ADAMTSL1: variants seen among roughly 807,000 people sequenced by gnomAD.
ADAMTSL1 encodes the protein ADAMTS like 1, also known as ADAMTS-like protein 1.
Under a neutral mutation model 201.8 loss-of-function variants are expected in ADAMTSL1, and 126 were observed. The observed-to-expected ratio is 0.62, with a 90% CI of 0.54 to 0.72. ADAMTSL1 has a LOEUF of 0.72. ADAMTSL1 is among the 30% of genes least tolerant of loss of function. The probability of loss-of-function intolerance (pLI) is 0.00; values close to 1 mark genes in which losing one functional copy is unlikely to be tolerated. For missense variants in ADAMTSL1, 2,679 were observed against 2,277.8 expected (o/e 1.18, Z -3.59); for synonymous variants, 1,121 against 903.4 (o/e 1.24, Z -4.32).
At chr9:18,392,260 G>A (rs1838084385) in intron 2 of ADAMTSL1, among the ~76,000 whole-genome samples, 2 of 152,274 alleles carry the variant, frequency 1.3e-5, no homozygotes, top group South Asian at 4.1e-4. Context: ...AATGTCATAT[G>A]TGTGAAAACA....
In ADAMTSL1 at chr9:18,662,069, G is replaced by T; in HGVS notation, c.1081G>T (p.Ala361Ser). The T allele has an allele frequency of 6.2e-7, 1 of 1,612,606 alleles. No homozygotes were observed. Among genetic ancestry groups the T allele is most frequent in the Non-Finnish European group, 8.5e-7 (1 of 1,179,550 alleles). Reference sequence around the variant, plus strand: ...GGAGTGCAACTTGGATCCTTGTCCAGCCAGGTCAGTCAAATTTGCTAGTTC... The same window carrying T: ...GGAGTGCAACTTGGATCCTTGTCCATCCAGGTCAGTCAAATTTGCTAGTTC... ...LQECNLDPCP[A>S]SDGYKQIMPY... is the part of the protein sequence containing the mutation. Residue 361 changes from alanine (A) to serine (S), a missense_variant, in exon 9 of 29, where the codon GCC becomes TCC. Physicochemically the swap from Ala to Ser is moderately conservative, Grantham distance 99 (BLOSUM62 1). Transcript: ENST00000380548.
chr9:18,771,170 A>G (rs993368635), intron 17 of ADAMTSL1, among the ~76,000 whole-genome samples: 2 of 152,180 alleles, frequency 1.3e-5, no homozygotes, highest in Non-Finnish European at 2.9e-5. Context: ...CTATTCAGGA[A>G]GGGCAAAGCC....
rs150554594 is a variant in ADAMTSL1 at position 18,395,659 on chromosome 9, A to G, written c.208-109170A>G. ...TAGACCAAATTATATCCTGAACTGTACAGGTCTATCATCCTTCTCAACTGC... is the reference window on the plus strand; with the variant it reads ...TAGACCAAATTATATCCTGAACTGTGCAGGTCTATCATCCTTCTCAACTGC... On this transcript the variant is annotated intron_variant, in intron 2 of 29. Transcript: ENST00000680146. Among the ~76,000 whole-genome samples, 194 of 152,298 alleles carry G rather than the reference A, an allele frequency of 1.3e-3. 1 individual carries two copies. The highest frequency in any genetic ancestry group is 4.5e-3 in the African/African-American group (189 of 41,580).
At chr9:18,812,646 T>C (rs527776265) in intron 20 of ADAMTSL1, among the ~76,000 whole-genome samples, 2 of 152,206 alleles carry the variant, frequency 1.3e-5, no homozygotes, top group Non-Finnish European at 2.9e-5. Flanking sequence ...GTTTCCTCTA[T>C]GTTTTTTCCT....
In ADAMTSL1 at chr9:18,453,176, T is replaced by A. The variant is rs188990564; in HGVS notation, c.208-51653T>A. On this transcript the variant is annotated intron_variant, in intron 2 of 29. Transcript: ENST00000680146. The stretch of plus-strand genomic sequence containing the variant: ...GCTTATACCTTCCAGAGCAGTAGGA[T>A]GAGCCTCACCTGGGCCTGCTTGGGC... Among the ~76,000 whole-genome samples the A allele has an allele frequency of 5.9e-5, 9 of 152,282 alleles. No homozygotes were observed. The East Asian group carries it at 1.7e-3, about 29-fold the overall frequency.
intron 1 of ADAMTSL1, among the ~76,000 whole-genome samples, chr9:18,098,649 C>T (rs995914244): frequency 6.6e-6 from 1 of 152,198 alleles, no homozygotes; most frequent in Non-Finnish European, 1.5e-5. Flanking sequence ...CAAACCATGA[C>T]ATGCTAACAA....
rs148129744 is a variant in ADAMTSL1 at position 18,206,096 on chromosome 9, A to G, written c.207+42115A>G. Among the ~76,000 whole-genome samples the G allele has an allele frequency of 5.5e-3, 797 of 145,852 alleles. 8 individuals carry two copies. Among genetic ancestry groups the G allele is most frequent in the East Asian group, 0.028 (135 of 4,816 alleles). On this transcript the variant is annotated intron_variant, in intron 2 of 29. Transcript: ENST00000680146. Reference sequence around the variant, plus strand: ...AAAAAAAAAAAAAAAGCAGCCAAGAACCTAAATTTTGACATGGAAAATTCC... The same window carrying G: ...AAAAAAAAAAAAAAAGCAGCCAAGAGCCTAAATTTTGACATGGAAAATTCC...
intron 1 of ADAMTSL1, among the ~76,000 whole-genome samples, chr9:17,954,810 TAAA>T (rs1226903921): frequency 4.6e-5 from 7 of 152,172 alleles, no homozygotes; most frequent in Non-Finnish European, 1.0e-4. Flanking sequence ...AGTTTTCACA[TAAA>T]ATGGAAATCA....
chr9:18,889,181 CAA>C (rs939369625), intron 24 of ADAMTSL1, among the ~76,000 whole-genome samples: 1 of 152,184 alleles, frequency 6.6e-6, no homozygotes, highest in African/African-American at 2.4e-5. Context: ...TTGTAGAAAA[CAA>C]AGTCACTTTC....
At chr9:18,600,968 A>G (rs1158749684) in intron 4 of ADAMTSL1, among the ~76,000 whole-genome samples, 1 of 152,148 alleles carries the variant, frequency 6.6e-6, no homozygotes, top group African/African-American at 2.4e-5. Context: ...TCAAATCCAG[A>G]GTATTGTCAA....
intron 2 of ADAMTSL1, among the ~76,000 whole-genome samples, chr9:18,336,467 A>G (rs958210865): frequency 6.6e-6 from 1 of 152,196 alleles, no homozygotes; most frequent in Non-Finnish European, 1.5e-5. Flanking sequence ...AAAAGAAAGT[A>G]AAACTGTGAG....
At chr9:18,437,819 A>G (rs1329672768) in intron 2 of ADAMTSL1, among the ~76,000 whole-genome samples, 1 of 152,204 alleles carries the variant, frequency 6.6e-6, no homozygotes, top group Non-Finnish European at 1.5e-5. Context: ...TGGCAAGAAC[A>G]CAGCCCCTGC....
chr9:18,796,293 G>A (rs1822412936), intron 20 of ADAMTSL1, among the ~76,000 whole-genome samples: 1 of 152,198 alleles, frequency 6.6e-6, no homozygotes, highest in Non-Finnish European at 1.5e-5. Flanking sequence ...TCTGCTAGTG[G>A]CGGGGGAAGA....
chr9:18,507,264 C>A (rs1564004834), intron 2 of ADAMTSL1, among the ~76,000 whole-genome samples: 1 of 152,088 alleles, frequency 6.6e-6, no homozygotes, highest in Non-Finnish European at 1.5e-5. Context: ...ATGATATGAC[C>A]ACATTAGCAT....
At chr9:18,196,041 A>G (rs770066877) in intron 2 of ADAMTSL1, among the ~76,000 whole-genome samples, 12 of 152,154 alleles carry the variant, frequency 7.9e-5, no homozygotes, top group African/African-American at 2.9e-4. Context: ...ATAAGTTTGT[A>G]TATTTTAGAA....
intron 1 of ADAMTSL1, among the ~76,000 whole-genome samples, chr9:18,062,659 G>A (rs1028962): frequency 0.6 from 90,930 of 151,948 alleles, 27,293 homozygotes; most frequent in African/African-American, 0.64. Context: ...ATTTGGAATT[G>A]AGGAATTACA....
chr9:18,141,936 A>G (rs528871990), intron 1 of ADAMTSL1, among the ~76,000 whole-genome samples: 45 of 152,292 alleles, frequency 3.0e-4, no homozygotes, highest in African/African-American at 1.0e-3. Context: ...ACTGAGACAC[A>G]AGGATAGCAG....
intron 26 of ADAMTSL1, among the ~76,000 whole-genome samples, chr9:18,900,755 C>T (rs920810523): frequency 2.4e-4 from 34 of 139,550 alleles, no homozygotes; most frequent in African/African-American, 9.0e-4. Flanking sequence ...GGGGAAACAA[C>T]ACACACTGGG....
At chr9:18,587,490 G>A (rs577030003) in intron 4 of ADAMTSL1, among the ~76,000 whole-genome samples, 18 of 152,080 alleles carry the variant, frequency 1.2e-4, no homozygotes, top group African/African-American at 3.9e-4. Flanking sequence ...TGTATGGGGA[G>A]CATTACAATT....
Sources: gnomAD v4.1 joint callset for allele counts (sites outside exome capture counted in the v4.1 genomes callset) on GRCh38, gnomAD v4.1.1 for gene constraint, MANE v1.5 for transcripts, NCBI Gene and HGNC (gene_info 2026-07-23, HGNC 2026-07-21) for gene names.